Variants in PRKCQ observed in about 807,000 individuals in gnomAD.
The protein encoded by PRKCQ is protein kinase C theta type.
A neutral mutation model predicts 91.2 loss-of-function variants in PRKCQ; 41 were observed. The ratio of observed to expected loss-of-function variants is 0.45; its 90% confidence interval spans 0.35 to 0.58. PRKCQ has a LOEUF of 0.58. Among genes scored for constraint, PRKCQ ranks in the 20% least tolerant of loss-of-function variants. The pLI is 0.00. For missense variants in PRKCQ, 673 were observed against 896.5 expected (o/e 0.75, Z 3.18); for synonymous variants, 307 against 316.9 (o/e 0.97, Z 0.33).
At chr10:6,423,661 C>G (rs114557661), downstream of PRKCQ, among the ~76,000 whole-genome samples, 5 of 152,178 alleles carry the variant, frequency 3.3e-5, no homozygotes, top group Admixed American at 2.6e-4. Flanking sequence ...ACCCACACTG[C>G]GGTGGCAGGA....
At chr10:6,563,524 T>G (rs1033421192) in intron 1 of PRKCQ, among the ~76,000 whole-genome samples, 29 of 152,302 alleles carry the variant, frequency 1.9e-4, no homozygotes, top group Admixed American at 1.0e-3. Context: ...TTTTCTGCTT[T>G]ACTTTCTATG....
downstream of PRKCQ, among the ~76,000 whole-genome samples, chr10:6,423,056 T>G (rs1301667761): frequency 1.3e-5 from 2 of 152,106 alleles, no homozygotes; most frequent in Non-Finnish European, 2.9e-5. Flanking sequence ...AGAGGACAAA[T>G]AGAGGTGGGA....
At chr10:6,454,165 A>G (rs1410182079) in intron 15 of PRKCQ, among the ~76,000 whole-genome samples, 1 of 152,170 alleles carries the variant, frequency 6.6e-6, no homozygotes, top group African/African-American at 2.4e-5. Context: ...TTGATAACAC[A>G]CAGTCTATCT....
intron 12 of PRKCQ, among the ~76,000 whole-genome samples, chr10:6,469,020 A>G (rs1835830260): frequency 6.6e-6 from 1 of 152,226 alleles, no homozygotes; most frequent in Admixed American, 6.5e-5. Context: ...AGAACTCCTT[A>G]TGTATTAACT....
intron 1 of PRKCQ, among the ~76,000 whole-genome samples, chr10:6,539,969 A>T (rs1029631799): frequency 6.6e-6 from 1 of 152,198 alleles, no homozygotes; most frequent in African/African-American, 2.4e-5. Flanking sequence ...GTTACTCTGA[A>T]TAAGTGGAAT....
At chr10:6,515,260 C>T in intron 1 of PRKCQ, 116 bp from the exon 2 acceptor site, 1 of 1,555,966 alleles carries the variant, frequency 6.4e-7, no homozygotes, top group Middle Eastern at 1.7e-4. Flanking sequence ...CACATAGGTC[C>T]ACTATCCATG....
At chr10:6,547,144 T>C (rs1257134003) in intron 1 of PRKCQ, among the ~76,000 whole-genome samples, 2 of 152,168 alleles carry the variant, frequency 1.3e-5, no homozygotes, top group African/African-American at 4.8e-5. Context: ...CAGTATTTTA[T>C]TGAGGATTTT....
chr10:6,461,106 TC>T (rs1474450696), intron 14 of PRKCQ, among the ~76,000 whole-genome samples: 1 of 99,582 alleles, frequency 1.0e-5, no homozygotes, highest in East Asian at 2.2e-4. Flanking sequence ...CATTTATCCA[TC>T]CATCCATCCA....
chr10:6,545,337 G>T (rs1839912282), intron 1 of PRKCQ, among the ~76,000 whole-genome samples: 1 of 152,182 alleles, frequency 6.6e-6, no homozygotes, highest in Non-Finnish European at 1.5e-5. Context: ...TTGAAAAATG[G>T]CCTACTGATC....
intron 1 of PRKCQ, among the ~76,000 whole-genome samples, chr10:6,560,953 G>A (rs1315632404): frequency 6.6e-6 from 1 of 151,360 alleles, no homozygotes; most frequent in African/African-American, 2.4e-5. Flanking sequence ...GCAGGAGAAC[G>A]GCATAAGCCT....
chr10:6,549,413 C>A (rs532289609), intron 1 of PRKCQ, among the ~76,000 whole-genome samples: 38 of 152,238 alleles, frequency 2.5e-4, no homozygotes, highest in African/African-American at 8.7e-4. Context: ...AAGATACTCA[C>A]TTGGGAAATT....
chr10:6,407,678 C>A, the PRKCQ span, among the ~76,000 whole-genome samples: 1 of 151,452 alleles, frequency 6.6e-6, no homozygotes, highest in African/African-American at 2.4e-5. This position sits in a 1 kb window ranked among gnomAD's most constrained non-coding sequence, Gnocchi z 4.0. Context: ...GTGGTATGTG[C>A]ATGTGACGTG....
intron 1 of PRKCQ, among the ~76,000 whole-genome samples, chr10:6,521,779 TC>T (rs1839011564): frequency 6.6e-6 from 1 of 152,160 alleles, no homozygotes; most frequent in South Asian, 2.1e-4. Flanking sequence ...CTTACTACCC[TC>T]TGATGTCCTC....
At chr10:6,571,587 C>T (rs539766482) in intron 1 of PRKCQ, among the ~76,000 whole-genome samples, 2 of 152,296 alleles carry the variant, frequency 1.3e-5, no homozygotes, top group Non-Finnish European at 2.9e-5. Flanking sequence ...AGGAGGATCA[C>T]TTGAGGCCAG....
intron 2 of PRKCQ, among the ~76,000 whole-genome samples, chr10:6,513,251 T>C (rs1838576551): frequency 6.6e-6 from 1 of 152,116 alleles, no homozygotes; most frequent in Non-Finnish European, 1.5e-5. Flanking sequence ...TTAAATCCTG[T>C]AGAAGTAAAT....
intron 4 of PRKCQ, among the ~76,000 whole-genome samples, chr10:6,501,338 T>C (rs1588340841): frequency 6.6e-6 from 1 of 151,966 alleles, no homozygotes; most frequent in Admixed American, 6.6e-5. Context: ...GCAGTATGTC[T>C]TGGGAATAAG....
At position 6,505,532 on chromosome 10, in the gene PRKCQ, TTTTCTTTCTTTTCTTC is replaced by T. The variant is rs1838158217; in HGVS notation, c.379+1888_379+1903del. Among the ~76,000 whole-genome samples the T allele has an allele frequency of 8.5e-5, 4 of 46,856 alleles. No homozygotes were observed. The South Asian group carries it at 2.7e-3, about 32-fold the overall frequency. The allele number at this position is 46,856 out of a possible 152,430, so 30.7% of individuals were successfully genotyped here. On this transcript the variant is annotated intron_variant, in intron 4 of 17. Coordinates refer to ENST00000263125, the MANE Select transcript of PRKCQ (RefSeq NM_006257.5). Reference sequence around the variant, plus strand: ...TCCTTCCTTCCTTTTCTTTCTTTCTTTTTCTTTCTTTTCTTCTTTCTTTCTTTCTCCTTCCCTTCCC... The same window carrying T: ...TCCTTCCTTCCTTTTCTTTCTTTCTTTTTCTTTCTTTCTCCTTCCCTTCCC...
chr10:6,491,642 G>A lies in PRKCQ; in HGVS notation c.790+41C>T, dbSNP rs371761053. Reference sequence around the variant, plus strand: ...CAGAAAGCCTTGCTCCATCCCCTAGGGGGTCCACGTCGGGCCATGCTCATC... The same window carrying A: ...CAGAAAGCCTTGCTCCATCCCCTAGAGGGTCCACGTCGGGCCATGCTCATC... On this transcript the variant is annotated intron_variant, in intron 8 of 17. Coordinates refer to ENST00000263125, the MANE Select transcript of PRKCQ (RefSeq NM_006257.5). 5.8e-5 allele frequency: 94 copies of A among 1,610,794 alleles called. No homozygotes were observed. The African/African-American group carries it at 1.1e-3, about 18-fold the overall frequency.
chr10:6,446,458 C>G (rs1376348997), intron 15 of PRKCQ, among the ~76,000 whole-genome samples: 1 of 150,646 alleles, frequency 6.6e-6, no homozygotes, highest in South Asian at 2.1e-4. Flanking sequence ...CTCCGCCTCC[C>G]AAGTTCAAGC....
Sources: gnomAD v4.1 joint callset for allele counts (sites outside exome capture counted in the v4.1 genomes callset) on GRCh38, gnomAD v4.1.1 for gene constraint, Gnocchi (gnomAD v3.1) non-coding constraint, MANE v1.5 for transcripts, NCBI Gene and HGNC (gene_info 2026-07-23, HGNC 2026-07-21) for gene names.